MN1: variants seen among roughly 807,000 people sequenced by gnomAD.
The protein encoded by MN1 is MN1 proto-oncogene, transcriptional regulator.
In MN1, 19 loss-of-function variants were observed where a neutral mutation model predicts 86.9. That is an observed-to-expected ratio of 0.22 (90% confidence interval 0.15 to 0.32). MN1 has a LOEUF of 0.32. Ranked by LOEUF, MN1 falls within the 10% of genes least tolerant of loss-of-function variation. The pLI, the probability that MN1 is intolerant of heterozygous loss-of-function variation, is 1.00. For synonymous variants in MN1, 928 were observed against 849.6 expected (o/e 1.09, Z -1.60); for missense variants, 1,841 against 1,862.0 (o/e 0.99, Z 0.21).
intron 1 of MN1, among the ~76,000 whole-genome samples, chr22:27,757,371 C>A (rs1324161976): frequency 6.6e-6 from 1 of 152,230 alleles, no homozygotes; most frequent in African/African-American, 2.4e-5. Context: ...GCAGACAGAG[C>A]TAGAAGTGCC....
chr22:27,780,770 T>G (rs1333515097), intron 1 of MN1, among the ~76,000 whole-genome samples: 1 of 152,126 alleles, frequency 6.6e-6, no homozygotes, highest in Non-Finnish European at 1.5e-5. Flanking sequence ...GCCCCTCCCC[T>G]AGAATGTAAA....
At chr22:27,795,735 A>G (rs1933283360) in intron 1 of MN1, among the ~76,000 whole-genome samples, 1 of 151,988 alleles carries the variant, frequency 6.6e-6, no homozygotes, top group South Asian at 2.1e-4. Flanking sequence ...ACACACACAC[A>G]CACACGCACT....
chr22:27,800,250 G>A lies in MN1; in HGVS notation c.294C>T (p.His98=), dbSNP rs1489561957. The A allele has an allele frequency of 1.9e-6, 3 of 1,584,736 alleles. No homozygotes were observed. The highest frequency in any genetic ancestry group is 1.2e-5 in the South Asian group (1 of 86,288). ...GATGATGACTTCCCGGGTGGCCGTG[G>A]TGAGGCTGCTGGCCGCCAAAGAAGC... ...VHGFFGGQQP[H]HGHPGSHHPH... The change falls in exon 1 of 2, where the codon CAC becomes CAT. Residue 98 remains histidine, a synonymous_variant. Coordinates refer to ENST00000302326, the MANE Select transcript of MN1 (RefSeq NM_002430.3).
intron 1 of MN1, among the ~76,000 whole-genome samples, chr22:27,775,825 C>T (rs1277982076): frequency 6.6e-6 from 1 of 152,226 alleles, no homozygotes; most frequent in Non-Finnish European, 1.5e-5. Flanking sequence ...AAGCTCAGCT[C>T]CGCTCTCTCC....
chr22:27,757,338 T>C (rs908649599), intron 1 of MN1, among the ~76,000 whole-genome samples: 3 of 152,198 alleles, frequency 2.0e-5, no homozygotes, highest in Non-Finnish European at 4.4e-5. Flanking sequence ...CCCGGCGCAC[T>C]CTTACTGTTC....
chr22:27,755,900 C>T (rs771486015), intron 1 of MN1, among the ~76,000 whole-genome samples: 6 of 152,240 alleles, frequency 3.9e-5, no homozygotes, highest in Non-Finnish European at 5.9e-5. Context: ...GGCCACCATT[C>T]GTGGAGCAAG....
chr22:27,798,884 C>T lies in MN1; in HGVS notation c.1660G>A (p.Ala554Thr). Residue 554 changes from alanine to threonine, a missense_variant, in exon 1 of 2, where the codon GCG becomes ACG. Ala to Thr is a moderately conservative substitution (Grantham distance 58). Coordinates refer to ENST00000302326, the MANE Select transcript of MN1 (RefSeq NM_002430.3). The stretch of plus-strand genomic sequence containing the variant: ...GCCATCTGCTTAATCATGAGGGCCG[C>T]GTTTTGGCGCTGCTGCTGCTGCTGC... ...QQQQQQQRQN[A>T]ALMIKQMASR... 3 of 1,549,454 alleles carry T rather than the reference C, an allele frequency of 1.9e-6. No individual in the cohort carries two copies. The highest frequency in any genetic ancestry group is 1.7e-6 in the Non-Finnish European group (2 of 1,148,474).
At chr22:27,784,887 G>A (rs1933101772) in intron 1 of MN1, among the ~76,000 whole-genome samples, 1 of 151,994 alleles carries the variant, frequency 6.6e-6, no homozygotes, top group South Asian at 2.1e-4. Flanking sequence ...TGGGTCGGGG[G>A]GAGTTGGGGA....
chr22:27,783,390 C>T (rs954740525), intron 1 of MN1, among the ~76,000 whole-genome samples: 1 of 152,150 alleles, frequency 6.6e-6, no homozygotes, highest in Non-Finnish European at 1.5e-5. Flanking sequence ...CCTCAGCTTC[C>T]CAAAGTGCTG....
At position 27,800,687 on chromosome 22, in the gene MN1, G is replaced by A. The variant is rs1215251747; in HGVS notation, c.-144C>T. ...GGGGCTCAGCGCGCACCTCCACCCCGCCTGATGTGAGGGACGGGGGGCGGG... is the reference window on the plus strand; with the variant it reads ...GGGGCTCAGCGCGCACCTCCACCCCACCTGATGTGAGGGACGGGGGGCGGG... On this transcript the variant is annotated 5_prime_UTR_variant, in exon 1 of 2. Transcript: ENST00000302326. 2.7e-6 allele frequency: 3 copies of A among 1,093,214 alleles called. No homozygotes were observed. Among genetic ancestry groups the A allele is most frequent in the Non-Finnish European group, 2.6e-6 (2 of 768,638 alleles). 67.7% of individuals were successfully genotyped at this position (1,093,214 alleles called of 1,614,324 possible).
rs181801322 is a variant in MN1, at chr22:27,749,124, C to T, written c.*1791G>A. ...TTGCTCCTCGTCAAGACTGCCCAGG[C>T]GAGAACCGCAGACTCAGACCCCAGC... On this transcript the variant is annotated 3_prime_UTR_variant, in exon 2 of 2. Transcript: ENST00000302326. The T allele has an allele frequency of 6.3e-4, 145 of 231,830 alleles. 1 individual carries two copies. The highest frequency in any genetic ancestry group is 4.1e-3 in the Admixed American group (73 of 17,740). 14.4% of individuals were successfully genotyped at this position (231,830 alleles called of 1,614,324 possible).
At chr22:27,761,669 G>A (rs973130858) in intron 1 of MN1, among the ~76,000 whole-genome samples, 1 of 152,174 alleles carries the variant, frequency 6.6e-6, no homozygotes, top group African/African-American at 2.4e-5. Context: ...ACAGAGCCAG[G>A]TGCAAAGACA....
chr22:27,755,921 A>ACAT lies in MN1; in HGVS notation c.3782-4828_3782-4826dup, dbSNP rs553071127. 1.6e-4 allele frequency among the ~76,000 whole-genome samples: 25 copies of ACAT among 152,374 alleles called. No homozygotes were observed. The South Asian group carries it at 5.2e-3, about 32-fold the overall frequency. On this transcript the variant is annotated intron_variant, in intron 1 of 1. Transcript: ENST00000302326. ...CATTCGTGGAGCAAGGAACTTTTGTACATCACTTCAGCTCTCAGAACCTCG... is the reference window on the plus strand; with the variant it reads ...CATTCGTGGAGCAAGGAACTTTTGTACATCATCACTTCAGCTCTCAGAACCTCG...
At chr22:27,768,584 T>C (rs5997300) in intron 1 of MN1, among the ~76,000 whole-genome samples, 61 of 152,336 alleles carry the variant, frequency 4.0e-4, no homozygotes, top group African/African-American at 1.5e-3. Context: ...TCCATGAGTC[T>C]AGAGTTGGGT....
At chr22:27,752,213 G>T (rs560781630) in intron 1 of MN1, among the ~76,000 whole-genome samples, 7 of 152,100 alleles carry the variant, frequency 4.6e-5, no homozygotes, top group African/African-American at 1.7e-4. Context: ...GTGTCCACCC[G>T]GCTCATGCAC....
In MN1 at chr22:27,799,119, G is replaced by A. The variant is rs1933378015; in HGVS notation, c.1425C>T (p.Gly475=). The part of the protein sequence containing the change: ...AGVDRCASWN[G]SMHNGALDNH... ...TATCCAGAGCGCCGTTGTGCATGCT[G>A]CCGTTCCACGAAGCGCAGCGGTCCA... Residue 475 remains glycine (G), a synonymous_variant, in exon 1 of 2, where the codon GGC becomes GGT. Transcript: ENST00000302326. 8 of 1,604,190 alleles carry A rather than the reference G, an allele frequency of 5.0e-6. No individual in the cohort carries two copies. The highest frequency in any genetic ancestry group is 1.7e-5 in the Admixed American group (1 of 59,724).
Position 27,797,934 on chromosome 22 carries a change from C to T in MN1, c.2610G>A (p.Val870=). ...LSQNETDGAA[V]AGNPGSDYFP... is the part of the protein sequence containing the mutation. ...AGTAATCCGAGCCCGGGTTGCCGGCCACTGCCGCGCCGTCGGTCTCGTTCT... is the reference window on the plus strand; with the variant it reads ...AGTAATCCGAGCCCGGGTTGCCGGCTACTGCCGCGCCGTCGGTCTCGTTCT... Residue 870 remains valine (V), a synonymous_variant, in exon 1 of 2, where the codon GTG becomes GTA. Coordinates refer to ENST00000302326, the MANE Select transcript of MN1 (RefSeq NM_002430.3). 6.3e-7 allele frequency: 1 copy of T among 1,597,010 alleles called. No homozygotes were observed. The highest frequency in any genetic ancestry group is 2.2e-5 in the East Asian group (1 of 44,648).
rs950471584 is a variant in MN1 at position 27,749,813 on chromosome 22, G to T, written c.*1102C>A. On this transcript the variant is annotated 3_prime_UTR_variant, in exon 2 of 2. Coordinates refer to ENST00000302326, the MANE Select transcript of MN1 (RefSeq NM_002430.3). The stretch of plus-strand genomic sequence containing the variant: ...AGAGGGTGCCTCATCCCTCCCAGGG[G>T]TGGGGTTGCCCAGGCTGGACTGGGG... 1 of 231,570 alleles carries T rather than the reference G, an allele frequency of 4.3e-6. No homozygotes were observed. The highest frequency in any genetic ancestry group is 5.6e-5 in the Admixed American group (1 of 17,712). The allele number at this position is 231,570 out of a possible 1,614,324, so 14.3% of individuals were successfully genotyped here.
At position 27,750,403 on chromosome 22, in the gene MN1, T is replaced by C. The variant is rs1387859721; in HGVS notation, c.*512A>G. 1.3e-5 allele frequency: 3 copies of C among 224,834 alleles called. No homozygotes were observed. Among genetic ancestry groups the C allele is most frequent in the African/African-American group, 6.7e-5 (3 of 44,978 alleles). 13.9% of individuals were successfully genotyped at this position (224,834 alleles called of 1,614,324 possible). A position where few individuals can be genotyped will look rare whatever the true frequency, so the allele number is the denominator to read the frequency against. ...CTTTCACCCGGCAATATTCCAGAAC[T>C]ACTATTCTCCAGGATTTCCATTTTA... On this transcript the variant is annotated 3_prime_UTR_variant, in exon 2 of 2. Coordinates refer to ENST00000302326, the MANE Select transcript of MN1 (RefSeq NM_002430.3).
Sources: allele counts gnomAD v4.1 joint callset (sites outside exome capture counted in the v4.1 genomes callset), GRCh38; gene constraint gnomAD v4.1.1; transcripts MANE v1.5; gene names NCBI Gene and HGNC (gene_info 2026-07-23, HGNC 2026-07-21).